The following DDR2 variants were observed in gnomAD, a reference collection of about 807,000 sequenced individuals.
DDR2 encodes discoidin domain receptor tyrosine kinase 2.
In DDR2, 27 loss-of-function variants were observed where a neutral mutation model predicts 94.9. The ratio of observed to expected loss-of-function variants is 0.28; its 90% CI spans 0.21 to 0.39. DDR2 has a LOEUF of 0.39. DDR2 is among the 10% of genes least tolerant of loss of function. The pLI is 1.00. For missense variants in DDR2, 783 were observed against 1,076.0 expected (o/e 0.73, Z 3.81); for synonymous variants, 382 against 377.2 (o/e 1.01, Z -0.15).
intron 15 of DDR2, 41 bp from the exon 16 acceptor site, chr1:162,776,095 T>C: frequency 2.6e-6 from 4 of 1,554,902 alleles, no homozygotes; most frequent in Non-Finnish European, 3.5e-6. Context: ...CATCTTCCTG[T>C]TTCCATAGGC....
At chr1:162,707,987 G>A (rs369622330) in intron 2 of DDR2, among the ~76,000 whole-genome samples, 1 of 152,158 alleles carries the variant, frequency 6.6e-6, no homozygotes. Flanking sequence ...CCTCACTCAT[G>A]ACATTTCTGA....
At chr1:162,645,562 A>G (rs1455208797) in intron 1 of DDR2, among the ~76,000 whole-genome samples, 1 of 152,236 alleles carries the variant, frequency 6.6e-6, no homozygotes, top group Admixed American at 6.5e-5. Flanking sequence ...TGTGGAACTT[A>G]AAGATAGACA....
At chr1:162,740,573 A>T (rs1305165048) in intron 3 of DDR2, among the ~76,000 whole-genome samples, 1 of 152,116 alleles carries the variant, frequency 6.6e-6, no homozygotes, top group Non-Finnish European at 1.5e-5. Flanking sequence ...GCCTACCTTG[A>T]TTTCTTTATA....
chr1:162,682,598 A>C (rs1571192317), intron 2 of DDR2, among the ~76,000 whole-genome samples: 1 of 152,254 alleles, frequency 6.6e-6, no homozygotes, highest in Non-Finnish European at 1.5e-5. Context: ...CAAGAATACC[A>C]GAGCCAGATT....
chr1:162,767,368 G>A lies in DDR2; in HGVS notation c.1293+9G>A, dbSNP rs1186481895. ...AGAAAATGCTGGAGAAGGTGAGGAG[G>A]TGCAGAATGGTCATGATATAAGAAA... On this transcript the variant is annotated intron_variant, in intron 11 of 17. Transcript: ENST00000367921. 7.4e-6 allele frequency: 12 copies of A among 1,613,636 alleles called. 1 individual carries two copies. Among genetic ancestry groups the A allele is most frequent in the Non-Finnish European group, 1.0e-5 (12 of 1,179,948 alleles).
chr1:162,759,720 G>A (rs2102148956), intron 7 of DDR2, 76 bp from the exon 8 acceptor site: 2 of 1,568,550 alleles, frequency 1.3e-6, no homozygotes, highest in Non-Finnish European at 1.7e-6. Context: ...AAGATGCCGG[G>A]TAAAAGCTCT....
At chr1:162,673,587 GTGTGTGTA>G (rs112987674) in intron 2 of DDR2, among the ~76,000 whole-genome samples, 1,283 of 125,908 alleles carry the variant, frequency 0.01, 13 homozygotes, top group Non-Finnish European at 0.016. Flanking sequence ...GTGCGTGTGT[GTGTGTGTA>G]TGTGTGTGTG....
chr1:162,673,190 T>C (rs1399408471), intron 2 of DDR2, among the ~76,000 whole-genome samples: 4 of 152,180 alleles, frequency 2.6e-5, no homozygotes, highest in African/African-American at 7.2e-5. Context: ...ATTAAAAAGT[T>C]TGTGCACAGA....
Position 162,770,654 on chromosome 1 carries a change from T to G in DDR2, c.1504+142T>G, listed in dbSNP as rs771381735. 22 of 890,126 alleles carry G rather than the reference T, an allele frequency of 2.5e-5. No individual in the cohort carries two copies. In the African/African-American group the frequency reaches 3.5e-4, roughly 14 times the overall value. 55.1% of individuals were successfully genotyped at this position (890,126 alleles called of 1,614,324 possible). A position where few individuals can be genotyped will look rare whatever the true frequency, so the allele number is the denominator to read the frequency against. On this transcript the variant is annotated intron_variant, in intron 12 of 17. Coordinates refer to ENST00000367921, the MANE Select transcript of DDR2 (RefSeq NM_006182.4). ...AGAAGTCCACATTCTCTTTCTAGAT[T>G]TGGTCTGCCGCTGCTCCTGGCCTAA...
intron 11 of DDR2, among the ~76,000 whole-genome samples, chr1:162,768,051 A>G (rs1023711328): frequency 1.3e-5 from 2 of 152,202 alleles, no homozygotes; most frequent in Non-Finnish European, 1.5e-5. Context: ...TTGAGTAATA[A>G]CTCATAGGCA....
intron 2 of DDR2, among the ~76,000 whole-genome samples, chr1:162,680,608 G>A (rs1258249863): frequency 6.6e-6 from 1 of 152,140 alleles, no homozygotes; most frequent in Non-Finnish European, 1.5e-5. Context: ...TTTCTTTCTT[G>A]TTGAAGACTT....
Position 162,772,245 on chromosome 1 carries a change from G to A in DDR2, c.1726G>A (p.Glu576Lys), listed in dbSNP as rs2102186713. The A allele has an allele frequency of 6.2e-7, 1 of 1,614,108 alleles. No individual in the cohort carries two copies. The highest frequency in any genetic ancestry group is 1.3e-5 in the African/African-American group (1 of 75,054). ...KEKLGEGQFG[E>K]VHLCEVEGME... is the part of the protein sequence containing the mutation. ...GAAGCTGGGAGAAGGACAGTTTGGG[G>A]AGGTGAGTTGATTCTTTGATTCCCT... is the stretch of plus-strand genomic sequence containing the variant. Residue 576 changes from glutamate to lysine, a missense_variant and splice_region_variant, in exon 13 of 18, where the codon GAG becomes AAG. Glu to Lys is a moderately conservative substitution (Grantham distance 56). Around this residue, in one of 2 missense-constraint regions of DDR2, gnomAD observed 264 missense variants for 428.2 expected, o/e 0.62. Transcript: ENST00000367921.
rs1422046200 is a variant in DDR2 at position 162,729,297 on chromosome 1, TA to T, written c.82+10153del. 6.5e-3 allele frequency among the ~76,000 whole-genome samples: 151 copies of T among 23,276 alleles called. 2 individuals carry two copies. The highest frequency in any genetic ancestry group is 0.022 in the African/African-American group (132 of 6,048). 15.3% of individuals were successfully genotyped at this position (23,276 alleles called of 152,430 possible). ...ATATCCATTTATATATATATATATATATATTTTTTTTTTTTTTTTTTTTCCT... is the reference window on the plus strand; with the variant it reads ...ATATCCATTTATATATATATATATATTATTTTTTTTTTTTTTTTTTTTCCT... On this transcript the variant is annotated intron_variant, in intron 3 of 17. Coordinates refer to ENST00000367921, the MANE Select transcript of DDR2 (RefSeq NM_006182.4).
chr1:162,633,153 G>A (rs1190102731), intron 1 of DDR2, among the ~76,000 whole-genome samples: 2 of 152,100 alleles, frequency 1.3e-5, no homozygotes, highest in Non-Finnish European at 2.9e-5. Flanking sequence ...CTGAGATTTG[G>A]GGTGGCTAGG....
chr1:162,671,314 G>C (rs906533955), intron 2 of DDR2, among the ~76,000 whole-genome samples: 1 of 152,170 alleles, frequency 6.6e-6, no homozygotes, highest in Admixed American at 6.5e-5. Flanking sequence ...TTAATGCCAG[G>C]CTAAGCACAA....
At chr1:162,721,481 G>A (rs1571241746) in intron 3 of DDR2, among the ~76,000 whole-genome samples, 1 of 152,188 alleles carries the variant, frequency 6.6e-6, no homozygotes. Context: ...AGAGATGAGT[G>A]TTTGAGGCAG....
chr1:162,651,581 A>G (rs1397737131), intron 1 of DDR2, among the ~76,000 whole-genome samples: 1 of 152,130 alleles, frequency 6.6e-6, no homozygotes, highest in African/African-American at 2.4e-5. Context: ...AATATCCATT[A>G]TATCTTTTTT....
chr1:162,706,194 C>T (rs532112885), intron 2 of DDR2, among the ~76,000 whole-genome samples: 1 of 152,288 alleles, frequency 6.6e-6, no homozygotes, highest in African/African-American at 2.4e-5. Context: ...GGTCAGCAGC[C>T]ATTCCTGGAC....
intron 3 of DDR2, among the ~76,000 whole-genome samples, chr1:162,733,662 C>G (rs1487063480): frequency 6.6e-6 from 1 of 152,204 alleles, no homozygotes; most frequent in Non-Finnish European, 1.5e-5. Flanking sequence ...GTAGCCCTCT[C>G]TGCCTTTTCA....
Sources: allele counts gnomAD v4.1 joint callset (sites outside exome capture counted in the v4.1 genomes callset), GRCh38; gene constraint gnomAD v4.1.1; regional missense constraint gnomAD v4.1.1; transcripts MANE v1.5; gene names NCBI Gene and HGNC (gene_info 2026-07-23, HGNC 2026-07-21).